The following PCDH11X variants were observed in gnomAD, a reference collection of about 807,000 sequenced individuals.
The protein encoded by PCDH11X is protocadherin-11 X-linked.
A neutral mutation model predicts 53.3 loss-of-function variants in PCDH11X; 18 were observed. The ratio of observed to expected loss-of-function variants is 0.34; its 90% CI spans 0.23 to 0.50. The LOEUF (loss-of-function observed/expected upper bound fraction) is 0.50, where lower values mean the gene tolerates loss of function less well. Ranked by LOEUF, PCDH11X falls within the 20% of genes least tolerant of loss-of-function variation. The pLI is 0.98. For missense variants in PCDH11X, 570 were observed against 1,032.4 expected, an observed-to-expected ratio of 0.55 and a Z score of 6.14; for synonymous variants, 279 against 393.3, an observed-to-expected ratio of 0.71 and a Z score of 3.44.
intron 8 of PCDH11X, among the ~76,000 whole-genome samples, chrX:92,343,592 A>T (rs962203428): frequency 9.0e-6 from 1 of 111,407 alleles, no homozygotes; most frequent in Non-Finnish European, 1.9e-5. Flanking sequence ...TTTGCCTTTC[A>T]AGAAAAAGAG....
intron 7 of PCDH11X, among the ~76,000 whole-genome samples, chrX:92,244,729 A>G (rs1251384830): frequency 9.0e-6 from 1 of 111,670 alleles, no homozygotes. Flanking sequence ...GTAATTAAGT[A>G]ACTTTCCCAC....
chrX:92,198,479 G>C (rs1322295226), intron 6 of PCDH11X, among the ~76,000 whole-genome samples: 1 of 104,987 alleles, frequency 9.5e-6, no homozygotes. Context: ...TCTCTCAGCA[G>C]CTTTGCAATT....
intron 6 of PCDH11X, among the ~76,000 whole-genome samples, chrX:91,934,373 C>T (rs1187506970): frequency 9.0e-6 from 1 of 111,515 alleles, no homozygotes; most frequent in East Asian, 2.9e-4. Context: ...TGCTTCTAGT[C>T]TTACCATTTT....
At chrX:91,822,014 G>C (rs1284570577) in intron 4 of PCDH11X, among the ~76,000 whole-genome samples, 3 of 105,422 alleles carry the variant, frequency 2.8e-5, no homozygotes, top group East Asian at 5.7e-4. Context: ...TTGCATCCCA[G>C]GGATGAAGCC....
At position 92,407,825 on chromosome X, in the gene PCDH11X, T is replaced by C. The variant is rs1236188438; in HGVS notation, c.3343+19892T>C. On this transcript the variant is annotated intron_variant, in intron 9 of 10. Coordinates refer to ENST00000682573, the MANE Select transcript of PCDH11X (RefSeq NM_032968.5). ...TCCCACTAAGTGTGTATGAGGTTAC[T>C]CTTCCCCTACACTTTTGCAGATACT... Among the ~76,000 whole-genome samples the C allele has an allele frequency of 3.6e-5, 4 of 111,577 alleles. No individual in the cohort carries two copies. The Admixed American group carries it at 3.8e-4, about 11-fold the overall frequency.
At chrX:91,790,504 C>A (rs1021893846) in intron 1 of PCDH11X, among the ~76,000 whole-genome samples, 1 of 112,184 alleles carries the variant, frequency 8.9e-6, no homozygotes, top group Non-Finnish European at 1.9e-5. Flanking sequence ...TTTTCATTTA[C>A]CTAATTTGAA....
At chrX:91,940,458 G>T (rs868698143) in intron 6 of PCDH11X, among the ~76,000 whole-genome samples, 2 of 111,606 alleles carry the variant, frequency 1.8e-5, no homozygotes, top group Non-Finnish European at 3.8e-5. Flanking sequence ...TAAAAGTTTG[G>T]AAGAGGAGAT....
chrX:92,356,325 A>G (rs1380190987), intron 8 of PCDH11X, among the ~76,000 whole-genome samples: 3 of 108,023 alleles, frequency 2.8e-5, no homozygotes, highest in Non-Finnish European at 5.8e-5. Flanking sequence ...TGAAGAAGGA[A>G]AGAAATAATA....
chrX:91,907,410 C>CAGAGAGAGAGAG lies in PCDH11X; in HGVS notation c.3033+28138_3033+28139insGAGAGAGAGAGA, dbSNP rs1302662059. On this transcript the variant is annotated intron_variant, in intron 6 of 10. Coordinates refer to ENST00000682573, the MANE Select transcript of PCDH11X (RefSeq NM_032968.5). ...ACACACACACACACACACACACACA[C>CAGAGAGAGAGAG]ACAGAGAGAGAGAGAGAGAGAGAGA... Among the ~76,000 whole-genome samples the CAGAGAGAGAGAG allele has an allele frequency of 9.3e-3, 523 of 56,007 alleles. 2 individuals are homozygous for CAGAGAGAGAGAG. Among genetic ancestry groups the CAGAGAGAGAGAG allele is most frequent in the Non-Finnish European group, 0.011 (351 of 31,848 alleles). The allele number at this position is 56,007 out of a possible 115,157, so 48.6% of individuals were successfully genotyped here.
At chrX:92,150,256 A>G (rs748445929) in intron 6 of PCDH11X, among the ~76,000 whole-genome samples, 1 of 111,403 alleles carries the variant, frequency 9.0e-6, no homozygotes, top group African/African-American at 3.3e-5. Context: ...CCTTGCCAAC[A>G]TTTGGTATGG....
intron 7 of PCDH11X, among the ~76,000 whole-genome samples, chrX:92,216,881 G>C (rs1482023431): frequency 1.1e-4 from 12 of 106,477 alleles, no homozygotes; most frequent in African/African-American, 3.8e-4. Context: ...AGCCAGAAGA[G>C]AGTGGGGGCC....
chrX:92,163,690 G>C (rs1308131307), intron 6 of PCDH11X, among the ~76,000 whole-genome samples: 1 of 111,342 alleles, frequency 9.0e-6, no homozygotes, highest in Non-Finnish European at 1.9e-5. Context: ...TATTTGGGCT[G>C]TCTCCCGGCT....
chrX:92,126,733 G>C (rs1275744129), intron 6 of PCDH11X, among the ~76,000 whole-genome samples: 2 of 108,504 alleles, frequency 1.8e-5, no homozygotes, highest in African/African-American at 6.7e-5. Context: ...GTGTGTGTGT[G>C]TGTGTATTAG....
At chrX:92,590,299 G>T (rs1046828615) in intron 10 of PCDH11X, among the ~76,000 whole-genome samples, 2 of 111,275 alleles carry the variant, frequency 1.8e-5, no homozygotes, top group Non-Finnish European at 3.8e-5. Context: ...TTCCTGCAAT[G>T]GCATGGTCTT....
At chrX:91,837,662 T>C (rs1937352380) in intron 5 of PCDH11X, among the ~76,000 whole-genome samples, 1 of 111,708 alleles carries the variant, frequency 9.0e-6, no homozygotes, top group South Asian at 3.7e-4. Flanking sequence ...TAGAAGATTT[T>C]TGAACATGCT....
chrX:92,293,962 A>T lies in PCDH11X; in HGVS notation c.3144+30819A>T, dbSNP rs57351698. ...AGTAAAAATTAGTTAATAATAGTGT[A>T]TAGATATATTGGTTCATTAGTTGTG... On this transcript the variant is annotated intron_variant, in intron 8 of 10. Coordinates refer to ENST00000682573, the MANE Select transcript of PCDH11X (RefSeq NM_032968.5). Among the ~76,000 whole-genome samples the T allele has an allele frequency of 5.8e-3, 641 of 110,520 alleles. 13 individuals carry two copies. In the East Asian group the frequency reaches 0.1, roughly 18 times the overall value.
Position 92,174,513 on chromosome X carries a change from C to T in PCDH11X, c.3034-26862C>T, listed in dbSNP as rs1473916297. Among the ~76,000 whole-genome samples the T allele has an allele frequency of 4.5e-5, 5 of 111,125 alleles. No homozygotes were observed. In the East Asian group the frequency reaches 8.5e-4, roughly 19 times the overall value. On this transcript the variant is annotated intron_variant, in intron 6 of 10. Transcript: ENST00000682573. ...GTCATGGATATTAATGGTATATGCA[C>T]GTGAGAATCAAAAAATGTAGAGAAT...
chrX:92,400,665 T>TA (rs2071369771), intron 9 of PCDH11X, among the ~76,000 whole-genome samples: 1 of 101,704 alleles, frequency 9.8e-6, no homozygotes, highest in Non-Finnish European at 2.0e-5. Context: ...TTCTTTTTTT[T>TA]ATCTCATTGC....
chrX:91,784,451 C>A (rs1935263852), intron 1 of PCDH11X, among the ~76,000 whole-genome samples: 1 of 112,094 alleles, frequency 8.9e-6, no homozygotes, highest in African/African-American at 3.2e-5. Context: ...CTCAGTTTCC[C>A]CATCCAGCCT....
Sources: allele counts gnomAD v4.1 joint callset (sites outside exome capture counted in the v4.1 genomes callset), GRCh38; gene constraint gnomAD v4.1.1; transcripts MANE v1.5; gene names NCBI Gene and HGNC (gene_info 2026-07-23, HGNC 2026-07-21).